GRAMD4: variants seen among roughly 807,000 people sequenced by gnomAD.
GRAMD4 encodes GRAM domain containing 4.
In GRAMD4, 25 loss-of-function variants were observed where a neutral mutation model predicts 83.9. That is an observed-to-expected ratio of 0.30 (90% confidence interval 0.22 to 0.42). The LOEUF (loss-of-function observed/expected upper bound fraction) is 0.42. Ranked by LOEUF, GRAMD4 falls within the 10% of genes least tolerant of loss-of-function variation. GRAMD4 has a pLI of 1.00. For synonymous variants in GRAMD4, 336 were observed against 320.9 expected (o/e 1.05, Z -0.50); for missense variants, 593 against 788.7 (o/e 0.75, Z 2.97).
chr22:46,620,567 TA>T lies in GRAMD4; in HGVS notation c.-50+3del, dbSNP rs1227979284. On this transcript the variant is annotated splice_donor_region_variant and intron_variant, in intron 1 of 18. Transcript: ENST00000406902. The surrounding 1 kb of genome is among the most constrained non-coding windows in gnomAD (Gnocchi z 4.7). ...TGGATGTATCTGAGACAGACGGAGG[TA>T]GGGGGCAGGGGGCAGGGGGCAGGGG... The T allele has an allele frequency of 8.6e-6, 1 of 115,874 alleles. No homozygotes were observed. The highest frequency in any genetic ancestry group is 6.3e-5 in the African/African-American group (1 of 15,910). The allele number at this position is 115,874 out of a possible 1,614,324, so 7.2% of individuals were successfully genotyped here. A position where few individuals can be genotyped will look rare whatever the true frequency, so the allele number is the denominator to read the frequency against.
intron 13 of GRAMD4, among the ~76,000 whole-genome samples, chr22:46,671,917 C>T (rs2082512697): frequency 6.6e-6 from 1 of 152,214 alleles, no homozygotes; most frequent in Non-Finnish European, 1.5e-5. Context: ...CCTACAAAGG[C>T]AAAAAATGAA....
chr22:46,680,805 C>CCCATCCATCCATCCATCCAT (rs751195568), downstream of GRAMD4, among the ~76,000 whole-genome samples: 1 of 55,872 alleles, frequency 1.8e-5, no homozygotes, highest in African/African-American at 1.6e-4. Context: ...CATTCACCTA[C>CCCATCCATCCATCCATCCAT]CCATCCATCC....
At chr22:46,603,860 C>T (rs1229960141) in intron 1 of GRAMD4, among the ~76,000 whole-genome samples, 1 of 152,158 alleles carries the variant, frequency 6.6e-6, no homozygotes, top group East Asian at 1.9e-4. Context: ...CTGTGACAGA[C>T]CTCGTCCAGT....
At position 46,620,426 on chromosome 22, in the gene GRAMD4, C is replaced by T; in HGVS notation, c.-189C>T. On this transcript the variant is annotated 5_prime_UTR_variant, in exon 1 of 19. Transcript: ENST00000406902. The surrounding 1 kb of genome is among the most constrained non-coding windows in gnomAD (Gnocchi z 4.7). ...CCTCCAGGCTCCAGGGCAGCAGACA[C>T]CACCCTCTCCGTGCCTGCTGGTGTT... The T allele has an allele frequency of 4.1e-6, 4 of 985,352 alleles. No individual in the cohort carries two copies. The highest frequency in any genetic ancestry group is 4.8e-6 in the Non-Finnish European group (4 of 829,916). 61.0% of individuals were successfully genotyped at this position (985,352 alleles called of 1,614,324 possible). A position where few individuals can be genotyped will look rare whatever the true frequency, so the allele number is the denominator to read the frequency against.
intron 1 of GRAMD4, among the ~76,000 whole-genome samples, chr22:46,582,759 A>G (rs956585766): frequency 5.3e-5 from 8 of 152,182 alleles, no homozygotes; most frequent in African/African-American, 1.4e-4. Flanking sequence ...TGTAATTCAC[A>G]CATCATACAA....
chr22:46,642,195 T>A (rs2081983351), intron 3 of GRAMD4, among the ~76,000 whole-genome samples: 1 of 152,256 alleles, frequency 6.6e-6, no homozygotes, highest in Admixed American at 6.5e-5. Flanking sequence ...TGTGACCAGA[T>A]ATCCCAGGCT....
chr22:46,660,014 G>A (rs866094843), intron 4 of GRAMD4, among the ~76,000 whole-genome samples: 2 of 152,190 alleles, frequency 1.3e-5, no homozygotes, highest in African/African-American at 2.4e-5. Flanking sequence ...CTTCTCCCCC[G>A]GTGGCTAAGG....
chr22:46,666,706 T>C, intron 9 of GRAMD4, 119 bp from the exon 10 acceptor site: 3 of 816,834 alleles, frequency 3.7e-6, no homozygotes, highest in African/African-American at 1.7e-5. Context: ...TTGGGCAGCA[T>C]AGAAGGACCT....
chr22:46,658,786 C>CCAGCCGCGCTGCAGCCCCTCAGGCTG (rs1352490988), intron 4 of GRAMD4, among the ~76,000 whole-genome samples: 144 of 151,324 alleles, frequency 9.5e-4, no homozygotes, highest in African/African-American at 3.2e-3. Flanking sequence ...CCTGTCTGCC[C>CCAGCCGCGCTGCAGCCCCTCAGGCTG]CAGCCACGCT....
At chr22:46,655,688 C>T (rs937201180) in intron 3 of GRAMD4, among the ~76,000 whole-genome samples, 3 of 152,188 alleles carry the variant, frequency 2.0e-5, no homozygotes, top group African/African-American at 7.2e-5. Context: ...CTCCTGCCAC[C>T]TCCTTCCTGC....
chr22:46,664,028 C>G lies in GRAMD4; in HGVS notation c.628C>G (p.Arg210Gly). The G allele has an allele frequency of 6.2e-7, 1 of 1,612,236 alleles. No homozygotes were observed. Among genetic ancestry groups the G allele is most frequent in the Non-Finnish European group, 8.5e-7 (1 of 1,178,850 alleles). The change falls in exon 8 of 19, where the codon CGC (arginine) becomes GGC (glycine). Residue 210 changes from arginine (R) to glycine (G), a missense_variant and splice_region_variant. Physicochemically the swap from Arg to Gly is moderately radical, Grantham distance 125. Coordinates refer to ENST00000406902, the MANE Select transcript of GRAMD4 (RefSeq NM_015124.5). ...RLTENMRRLK[R>G]GAKPVTNFVK... The stretch of plus-strand genomic sequence containing the variant: ...ACTGTGGTCTGCTCTGTCCCCAGAG[C>G]GCGGTGCCAAGCCGGTCACTAACTT...
At chr22:46,668,011 C>A in intron 10 of GRAMD4, 85 bp from the exon 11 acceptor site, 2 of 936,712 alleles carry the variant, frequency 2.1e-6, no homozygotes, top group Non-Finnish European at 3.4e-6. Context: ...GTCCCTGGGG[C>A]TGGGAGGGCT....
exon 1 of GRAMD4, chr22:46,577,246 G>C (rs894949751): frequency 1.0e-6 from 1 of 977,060 alleles, no homozygotes; most frequent in African/African-American, 1.8e-5. Context: ...GGCGAGGGGG[G>C]CGCCGCGGCG....
chr22:46,619,633 C>T (rs1214669141), upstream of GRAMD4, among the ~76,000 whole-genome samples: 1 of 152,208 alleles, frequency 6.6e-6, no homozygotes, highest in Non-Finnish European at 1.5e-5. Context: ...TCTTTGCTGG[C>T]CGCCCCCGGT....
At chr22:46,594,122 G>A (rs1163141257) in intron 1 of GRAMD4, among the ~76,000 whole-genome samples, 2 of 150,778 alleles carry the variant, frequency 1.3e-5, no homozygotes, top group Admixed American at 1.3e-4. Flanking sequence ...CCCCTCCCCA[G>A]CATCCTGCCA....
intron 3 of GRAMD4, among the ~76,000 whole-genome samples, chr22:46,639,383 T>G (rs2081941219): frequency 6.7e-6 from 1 of 150,210 alleles, no homozygotes; most frequent in Non-Finnish European, 1.5e-5. Context: ...GTGTGGTGGT[T>G]AACCTTGTGT....
chr22:46,635,692 C>T (rs1390256325), intron 2 of GRAMD4, among the ~76,000 whole-genome samples: 2 of 122,850 alleles, frequency 1.6e-5, no homozygotes, highest in African/African-American at 7.2e-5. Flanking sequence ...GAGCTGTGTC[C>T]TCCCTGCTCC....
chr22:46,583,749 G>C (rs1956126578), intron 1 of GRAMD4, among the ~76,000 whole-genome samples: 1 of 152,122 alleles, frequency 6.6e-6, no homozygotes, highest in African/African-American at 2.4e-5. Flanking sequence ...CCTTCGATGT[G>C]GCCCGCGGCT....
upstream of GRAMD4, chr22:46,576,979 C>A (rs1402524210): frequency 6.9e-6 from 1 of 145,390 alleles, no homozygotes; most frequent in South Asian, 2.1e-4. Context: ...CGCGGACCCC[C>A]GAGCCGGCCG....
Sources: allele counts gnomAD v4.1 joint callset (sites outside exome capture counted in the v4.1 genomes callset), GRCh38; gene constraint gnomAD v4.1.1; non-coding constraint Gnocchi (gnomAD v3.1); transcripts MANE v1.5; gene names NCBI Gene and HGNC (gene_info 2026-07-23, HGNC 2026-07-21).